Variants in LGR5 observed in about 807,000 individuals in gnomAD.
The protein encoded by LGR5 is leucine-rich repeat-containing G protein-coupled receptor 5.
LGR5 carries 54 observed loss-of-function variants against 76.7 expected under a neutral mutation model. That is an observed-to-expected ratio of 0.70 (90% CI 0.57 to 0.88). The LOEUF (loss-of-function observed/expected upper bound fraction) is 0.88. Ranked by LOEUF, LGR5 falls within the 40% of genes least tolerant of loss-of-function variation. The pLI is 0.00. For missense variants in LGR5, 1,078 were observed against 1,073.3 expected (o/e 1.00, Z -0.06); for synonymous variants, 406 against 421.9 (o/e 0.96, Z 0.46).
intron 2 of LGR5, among the ~76,000 whole-genome samples, chr12:71,514,440 C>A (rs1409729645): frequency 6.6e-6 from 1 of 151,674 alleles, no homozygotes; most frequent in South Asian, 2.1e-4. Flanking sequence ...TGGTGGCGGG[C>A]GCCTGTAGTC....
intron 11 of LGR5, among the ~76,000 whole-genome samples, chr12:71,569,402 T>C (rs1878499297): frequency 1.3e-5 from 2 of 152,202 alleles, no homozygotes; most frequent in Admixed American, 6.5e-5. Context: ...ATTTTTGCAA[T>C]CTATCCATCT....
At chr12:71,555,226 C>T (rs1410962701) in intron 5 of LGR5, among the ~76,000 whole-genome samples, 2 of 152,138 alleles carry the variant, frequency 1.3e-5, no homozygotes, top group African/African-American at 4.8e-5. Flanking sequence ...AATTTCTACA[C>T]TGAATTTCAC....
chr12:71,554,270 G>C (rs1043606733), intron 5 of LGR5, among the ~76,000 whole-genome samples: 8 of 152,162 alleles, frequency 5.3e-5, no homozygotes, highest in African/African-American at 1.7e-4. Flanking sequence ...ATAAGGGATT[G>C]AAGTTGTCCT....
chr12:71,566,905 C>T lies in LGR5; in HGVS notation c.1063C>T (p.Gln355Ter). 6.2e-7 allele frequency: 1 copy of T among 1,611,652 alleles called. No homozygotes were observed. Among genetic ancestry groups the T allele is most frequent in the South Asian group, 1.1e-5 (1 of 91,022 alleles). Residue 355 changes from glutamine (Q) to a stop codon, truncating the protein, a stop_gained, in exon 11 of 18, where the codon CAA (glutamine) becomes TAA (stop). Coordinates refer to ENST00000266674, the MANE Select transcript of LGR5 (RefSeq NM_003667.4). LOFTEE classifies it high-confidence loss of function. ...QTVCNQLPNLQVLDLSYNLLE... is the reference protein window; with the variant it reads ...QTVCNQLPNL ...CGTCTGCAATCAGTTACCTAATCTC[C>T]AAGTGCTGTGCGTATCAGTAAGGCA...
intron 1 of LGR5, among the ~76,000 whole-genome samples, chr12:71,487,493 C>A (rs757962780): frequency 3.9e-5 from 6 of 152,140 alleles, no homozygotes; most frequent in Non-Finnish European, 7.3e-5. Context: ...TAGCTCACTG[C>A]GGCCTCAAAC....
chr12:71,499,373 G>A (rs1874489303), intron 1 of LGR5, among the ~76,000 whole-genome samples: 1 of 152,132 alleles, frequency 6.6e-6, no homozygotes, highest in Non-Finnish European at 1.5e-5. Flanking sequence ...ATATGGGGGA[G>A]TGGTAATTTG....
At chr12:71,521,350 G>A (rs746769135) in intron 2 of LGR5, among the ~76,000 whole-genome samples, 4 of 152,182 alleles carry the variant, frequency 2.6e-5, no homozygotes, top group African/African-American at 4.8e-5. Context: ...ATCCAAAACA[G>A]ACTTCAGGGC....
At position 71,553,195 on chromosome 12, in the gene LGR5, G is replaced by C. The variant is rs755523849; in HGVS notation, c.551G>C (p.Ser184Thr). Residue 184 changes from serine to threonine, a missense_variant, in exon 5 of 18, where the codon AGT (serine) becomes ACT (threonine). Transcript: ENST00000266674. ...LTEIPVQAFR[S>T]LSALQAMTLA... ...GAAATCCCCGTCCAGGCTTTTAGAA[G>C]TTTATCGGCATTGCAAGCCATGACC... 2 of 1,614,082 alleles carry C rather than the reference G, an allele frequency of 1.2e-6. No individual in the cohort carries two copies. Among genetic ancestry groups the C allele is most frequent in the Middle Eastern group, 1.6e-4 (1 of 6,062 alleles).
chr12:71,522,279 A>G (rs1309736406), intron 2 of LGR5, among the ~76,000 whole-genome samples: 1 of 152,174 alleles, frequency 6.6e-6, no homozygotes, highest in Admixed American at 6.5e-5. Context: ...ATCAGTGAAT[A>G]TGGAAGGGGT....
At chr12:71,493,384 A>T (rs1335600470) in intron 1 of LGR5, among the ~76,000 whole-genome samples, 1 of 151,288 alleles carries the variant, frequency 6.6e-6, no homozygotes, top group Non-Finnish European at 1.5e-5. Context: ...TCCTATGAGG[A>T]TTCTCAATTC....
chr12:71,564,068 G>A (rs1325245460), intron 8 of LGR5, among the ~76,000 whole-genome samples: 38 of 2,562 alleles, frequency 0.015, 3 homozygotes, highest in Non-Finnish European at 0.084. Flanking sequence ...GTGTATATAT[G>A]CATATATACG....
At chr12:71,473,823 T>A (rs1310357059) in intron 1 of LGR5, among the ~76,000 whole-genome samples, 1 of 152,116 alleles carries the variant, frequency 6.6e-6, no homozygotes, top group Non-Finnish European at 1.5e-5. Flanking sequence ...CCTGAAGTAA[T>A]ACACTCTGTA....
In LGR5 at chr12:71,584,528, G is replaced by A. The variant is rs531281851; in HGVS notation, c.2518G>A (p.Val840Ile). Residue 840 changes from valine to isoleucine, a missense_variant, in exon 18 of 18, where the codon GTC (valine) becomes ATC (isoleucine). Physicochemically the swap from Val to Ile is conservative, Grantham distance 29. Transcript: ENST00000266674. The stretch of plus-strand genomic sequence containing the variant: ...GGTGAGCCTGAGAAAGCAAACCTAC[G>A]TCTGGACAAGATCAAAACACCCAAG... Reference protein sequence around the residue: ...DLVSLRKQTYVWTRSKHPSLM... With the variant: ...DLVSLRKQTYIWTRSKHPSLM... 4.0e-5 allele frequency: 65 copies of A among 1,614,028 alleles called. No homozygotes were observed. In the East Asian group the frequency reaches 4.5e-4, roughly 11 times the overall value.
At chr12:71,442,727 A>G (rs1279676006) in intron 1 of LGR5, among the ~76,000 whole-genome samples, 2 of 152,196 alleles carry the variant, frequency 1.3e-5, no homozygotes, top group Non-Finnish European at 2.9e-5. Context: ...GGTTTCTTAC[A>G]ACCAGAGGAA....
intron 2 of LGR5, among the ~76,000 whole-genome samples, chr12:71,512,000 GTTTGTTT>G (rs1412368092): frequency 6.6e-6 from 1 of 151,944 alleles, no homozygotes; most frequent in Admixed American, 6.6e-5. Context: ...TTGTTTGTTT[GTTTGTTT>G]TTTAGACAAA....
At chr12:71,456,210 G>A (rs1592456695) in intron 1 of LGR5, among the ~76,000 whole-genome samples, 3 of 152,158 alleles carry the variant, frequency 2.0e-5, no homozygotes, top group South Asian at 4.2e-4. Context: ...ATAAAGACGG[G>A]GGAGAAAAGG....
At chr12:71,445,495 C>T (rs1018864782) in intron 1 of LGR5, among the ~76,000 whole-genome samples, 1 of 152,206 alleles carries the variant, frequency 6.6e-6, no homozygotes, top group African/African-American at 2.4e-5. Flanking sequence ...AAATAACCAA[C>T]TACATGCCCA....
chr12:71,456,314 C>T (rs1046549193), intron 1 of LGR5, among the ~76,000 whole-genome samples: 1 of 152,126 alleles, frequency 6.6e-6, no homozygotes, highest in African/African-American at 2.4e-5. Context: ...TGACAAACAA[C>T]ATTTTTATCC....
At chr12:71,524,322 G>T (rs1363943893) in intron 2 of LGR5, 84 bp from the exon 3 acceptor site, 2 of 960,052 alleles carry the variant, frequency 2.1e-6, no homozygotes, top group African/African-American at 1.7e-5. Flanking sequence ...TTTAAACATA[G>T]TTGTATTGCA....
Sources: gnomAD v4.1 joint callset for allele counts (sites outside exome capture counted in the v4.1 genomes callset) on GRCh38, gnomAD v4.1.1 for gene constraint, MANE v1.5 for transcripts, NCBI Gene and HGNC (gene_info 2026-07-23, HGNC 2026-07-21) for gene names.